The following CPAMD8 variants were observed in gnomAD, a reference collection of about 807,000 sequenced individuals.
CPAMD8 encodes the protein C3 and PZP like alpha-2-macroglobulin domain containing 8, also known as C3 and PZP-like alpha-2-macroglobulin domain-containing protein 8.
A neutral mutation model predicts 224.7 loss-of-function variants in CPAMD8; 146 were observed. The ratio of observed to expected loss-of-function variants is 0.65; its 90% CI spans 0.57 to 0.75. CPAMD8 has a LOEUF of 0.75. Ranked by LOEUF, CPAMD8 falls within the 30% of genes least tolerant of loss-of-function variation. The pLI is 0.00. For synonymous variants in CPAMD8, 966 were observed against 1,044.6 expected (o/e 0.92, Z 1.45); for missense variants, 2,301 against 2,537.5 (o/e 0.91, Z 2.00).
intron 23 of CPAMD8, among the ~76,000 whole-genome samples, chr19:16,934,162 C>T (rs972464719): frequency 5.9e-5 from 9 of 152,156 alleles, no homozygotes; most frequent in East Asian, 3.9e-4. Context: ...TCAGTGGTCC[C>T]TAGTGATGGA....
chr19:16,900,268 T>C (rs753616648), intron 36 of CPAMD8, among the ~76,000 whole-genome samples: 10 of 152,130 alleles, frequency 6.6e-5, no homozygotes, highest in Non-Finnish European at 1.0e-4. Flanking sequence ...CCAAAGCACA[T>C]GGAACTTTGC....
At chr19:17,018,717 T>TATACAC (rs1443368929) in intron 3 of CPAMD8, among the ~76,000 whole-genome samples, 76 of 136,828 alleles carry the variant, frequency 5.6e-4, no homozygotes, top group African/African-American at 2.0e-3. Context: ...CTACTAAAAA[T>TATACAC]ACACACACAC....
At chr19:17,019,666 C>T (rs537732485) in intron 3 of CPAMD8, among the ~76,000 whole-genome samples, 4 of 152,078 alleles carry the variant, frequency 2.6e-5, no homozygotes, top group African/African-American at 9.6e-5. Flanking sequence ...AGCGATCCTC[C>T]TACCTCAGCC....
chr19:16,949,299 C>A (rs2122321539), intron 20 of CPAMD8, among the ~76,000 whole-genome samples: 1 of 152,226 alleles, frequency 6.6e-6, no homozygotes, highest in South Asian at 2.1e-4. Flanking sequence ...CGCTCAGAGC[C>A]AAGCCGGACA....
chr19:17,016,007 G>A (rs574368442), intron 3 of CPAMD8, among the ~76,000 whole-genome samples: 75 of 152,242 alleles, frequency 4.9e-4, no homozygotes, highest in African/African-American at 1.4e-3. Context: ...GCTGTGGTGC[G>A]ATCACGTCTC....
At chr19:16,915,427 T>C (rs2052912188) in intron 27 of CPAMD8, among the ~76,000 whole-genome samples, 2 of 152,152 alleles carry the variant, frequency 1.3e-5, no homozygotes, top group Non-Finnish European at 1.5e-5. Flanking sequence ...CAGTGCACTA[T>C]GGGGCTGCTG....
At chr19:16,990,508 A>G (rs1366933209) in intron 12 of CPAMD8, among the ~76,000 whole-genome samples, 2 of 151,934 alleles carry the variant, frequency 1.3e-5, no homozygotes, top group Non-Finnish European at 1.5e-5. Context: ...CAATTTAGCT[A>G]TGATCACACC....
chr19:17,018,455 C>T (rs1208938385), intron 3 of CPAMD8, among the ~76,000 whole-genome samples: 2 of 152,110 alleles, frequency 1.3e-5, no homozygotes, highest in African/African-American at 4.8e-5. Flanking sequence ...CAGCAAGACC[C>T]AGTGAGAGGC....
chr19:17,026,538 G>C lies in CPAMD8; in HGVS notation c.92+13C>G. 1.3e-6 allele frequency: 2 copies of C among 1,495,866 alleles called. No individual in the cohort carries two copies. The highest frequency in any genetic ancestry group is 2.8e-5 in the East Asian group (1 of 35,664). The allele number at this position is 1,495,866 out of a possible 1,614,324, so 92.7% of individuals were successfully genotyped here. ...AAGGCGACCGACCTCCTCTGTCGCC[G>C]GAGGATACTCACGGGGCCTGAGGCT... is the stretch of plus-strand genomic sequence containing the variant. On this transcript the variant is annotated intron_variant, in intron 1 of 41. Coordinates refer to ENST00000443236, the MANE Select transcript of CPAMD8 (RefSeq NM_015692.5).
In CPAMD8 at chr19:16,957,885, G is replaced by A. The variant is rs200427435; in HGVS notation, c.2244C>T (p.Pro748=). The change falls in exon 19 of 42, where the codon CCC becomes CCT. Residue 748 remains proline, a synonymous_variant. Transcript: ENST00000443236. ...RTEKRKRTFF[P]ETWIWHCLNI... is the part of the protein sequence containing the mutation. ...TGAGACAATGCCAAATCCATGTTTC[G>A]GGGAAGAAAGTCCTTTTTCTCTTCT... is the stretch of plus-strand genomic sequence containing the variant. The A allele has an allele frequency of 1.7e-3, 2,814 of 1,613,954 alleles. 31 individuals are homozygous for A. The highest frequency in any genetic ancestry group is 0.014 in the South Asian group (1,242 of 91,042).
intron 13 of CPAMD8, among the ~76,000 whole-genome samples, chr19:16,986,898 G>A (rs1026131899): frequency 2.6e-5 from 4 of 152,042 alleles, no homozygotes; most frequent in African/African-American, 9.6e-5. Context: ...GCTCACGCCT[G>A]TAATCCCAAC....
At chr19:16,918,547 A>G (rs2053048729) in intron 27 of CPAMD8, among the ~76,000 whole-genome samples, 1 of 151,114 alleles carries the variant, frequency 6.6e-6, no homozygotes, top group Non-Finnish European at 1.5e-5. Context: ...TTCTGGGCTC[A>G]AGGGATCCTC....
chr19:16,937,722 G>A (rs189745654), intron 23 of CPAMD8, among the ~76,000 whole-genome samples: 26 of 146,554 alleles, frequency 1.8e-4, no homozygotes, highest in African/African-American at 6.1e-4. Context: ...GCGTGATCTC[G>A]GCTCACTGCA....
rs1176581060 is a variant in CPAMD8 at position 17,026,625 on chromosome 19, G to A, written c.18C>T (p.Leu6=). 4.0e-6 allele frequency: 6 copies of A among 1,482,496 alleles called. No homozygotes were observed. Among genetic ancestry groups the A allele is most frequent in the Non-Finnish European group, 5.3e-6 (6 of 1,125,158 alleles). 91.8% of individuals were successfully genotyped at this position (1,482,496 alleles called of 1,614,324 possible). The change falls in exon 1 of 42, where the codon CTC becomes CTT. Residue 6 remains leucine (L), a synonymous_variant. Transcript: ENST00000443236. The part of the protein sequence containing the change: MSGAL[L]WPLLPLLLLL... Reference sequence around the variant, plus strand: ...GGAGCAGGAGCGGGAGCAACGGCCAGAGCAGGGCGCCGCTCATTTTTCGGC... The same window carrying A: ...GGAGCAGGAGCGGGAGCAACGGCCAAAGCAGGGCGCCGCTCATTTTTCGGC...
rs751350516 is a variant in CPAMD8, at chr19:16,914,756, G to T, written c.3687C>A (p.Asp1229Glu). The stretch of plus-strand genomic sequence containing the variant: ...TCTTGGCGGCAGCCAGCTCCCGGGG[G>T]TCCACGAAGATAAAGCTGCGAGCCT... The part of the protein sequence containing the change: ...FAQARSFIFV[D>E]PRELAAAKSW... Residue 1229 changes from aspartate to glutamate, a missense_variant, in exon 28 of 42, where the codon GAC becomes GAA. Transcript: ENST00000443236. 2 of 1,613,976 alleles carry T rather than the reference G, an allele frequency of 1.2e-6. No homozygotes were observed. Among genetic ancestry groups the T allele is most frequent in the Non-Finnish European group, 1.7e-6 (2 of 1,180,000 alleles).
Position 16,918,790 on chromosome 19 carries a change from T to G in CPAMD8, c.3629+3115A>C, listed in dbSNP as rs145871205. On this transcript the variant is annotated intron_variant, in intron 27 of 41. Transcript: ENST00000443236. ...TTTCTGAATAGTTTCGATCTGTAGT[T>G]GATTGAATCCTGTGGAACTCACAGA... 2.7e-3 allele frequency among the ~76,000 whole-genome samples: 415 copies of G among 151,188 alleles called. 3 individuals carry two copies. Among genetic ancestry groups the G allele is most frequent in the African/African-American group, 7.2e-3 (293 of 40,978 alleles).
At position 16,989,606 on chromosome 19, in the gene CPAMD8, C is replaced by T. The variant is rs185258137; in HGVS notation, c.1395+37G>A. ...CTGGCTCATGCTGCTTTTTGGATCC[C>T]GCATGGCCCAGGAAGGGTAGCTCCT... is the stretch of plus-strand genomic sequence containing the variant. On this transcript the variant is annotated intron_variant, in intron 13 of 41. Transcript: ENST00000443236. 9.0e-5 allele frequency: 144 copies of T among 1,600,636 alleles called. 2 individuals carry two copies. Among genetic ancestry groups the T allele is most frequent in the South Asian group, 4.9e-4 (44 of 90,254 alleles).
At chr19:17,003,635 A>G (rs978962255) in intron 8 of CPAMD8, among the ~76,000 whole-genome samples, 5 of 151,430 alleles carry the variant, frequency 3.3e-5, no homozygotes, top group Admixed American at 1.3e-4. Flanking sequence ...AAAATTAACC[A>G]GGTGTGGTGG....
chr19:16,938,509 G>C, intron 22 of CPAMD8, 63 bp from the exon 23 acceptor site: 1 of 900,558 alleles, frequency 1.1e-6, no homozygotes, highest in Non-Finnish European at 1.7e-6. Flanking sequence ...CAGCTCAGCG[G>C]AGCAGCTGGC....
Sources: allele counts gnomAD v4.1 joint callset (sites outside exome capture counted in the v4.1 genomes callset), GRCh38; gene constraint gnomAD v4.1.1; transcripts MANE v1.5; gene names NCBI Gene and HGNC (gene_info 2026-07-23, HGNC 2026-07-21).